CACNB4: variants seen among roughly 807,000 people sequenced by gnomAD.
CACNB4 encodes voltage-dependent L-type calcium channel subunit beta-4.
A neutral mutation model predicts 71.2 loss-of-function variants in CACNB4; 32 were observed. The observed-to-expected ratio is 0.45, with a 90% confidence interval of 0.34 to 0.60. The LOEUF is 0.60. Among genes scored for constraint, CACNB4 ranks in the 20% least tolerant of loss-of-function variants. The pLI, the probability that CACNB4 is intolerant of heterozygous loss-of-function variation, is 0.01. For missense variants in CACNB4, 464 were observed against 647.9 expected, an observed-to-expected ratio of 0.72 and a Z score of 3.08; for synonymous variants, 231 against 236.9, an observed-to-expected ratio of 0.97 and a Z score of 0.23.
At chr2:151,945,507 C>CTT in intron 2 of CACNB4, among the ~76,000 whole-genome samples, 1 of 152,080 alleles carries the variant, frequency 6.6e-6, no homozygotes, top group African/African-American at 2.4e-5. Flanking sequence ...TAAAGATTAG[C>CTT]TGGGTGTGGT....
chr2:151,944,754 A>T (rs12613143), intron 2 of CACNB4, among the ~76,000 whole-genome samples: 15,094 of 152,214 alleles, frequency 0.099, 1,619 homozygotes, highest in East Asian at 0.54. Flanking sequence ...ATCCTGCCAC[A>T]GCACTCCAGG....
rs1288254361 is a variant in CACNB4 at position 151,832,888 on chromosome 2, G to A, written c.*6231C>T. 6.6e-6 allele frequency: 1 copy of A among 151,930 alleles called. No individual in the cohort carries two copies. Among genetic ancestry groups the A allele is most frequent in the African/African-American group, 2.4e-5 (1 of 41,388 alleles). 9.4% of individuals were successfully genotyped at this position (151,930 alleles called of 1,614,324 possible). ...TGAGGATACTCTATGCATGCACTCT[G>A]CATTTTCTTTGTTAATGTTTTTATT... is the stretch of plus-strand genomic sequence containing the variant. On this transcript the variant is annotated 3_prime_UTR_variant, in exon 14 of 14. Transcript: ENST00000539935.
At chr2:151,988,729 C>A (rs1681518774) in intron 2 of CACNB4, among the ~76,000 whole-genome samples, 1 of 152,128 alleles carries the variant, frequency 6.6e-6, no homozygotes, top group Non-Finnish European at 1.5e-5. Context: ...TCCTCTTCTT[C>A]TATAAGGACA....
chr2:151,905,002 A>T (rs570293531), intron 2 of CACNB4, among the ~76,000 whole-genome samples: 1 of 152,192 alleles, frequency 6.6e-6, no homozygotes, highest in East Asian at 1.9e-4. Flanking sequence ...AAGAACTAGA[A>T]TGCTATCATT....
intron 2 of CACNB4, among the ~76,000 whole-genome samples, chr2:152,066,136 C>T (rs1303725126): frequency 6.6e-6 from 1 of 152,170 alleles, no homozygotes; most frequent in Non-Finnish European, 1.5e-5. Context: ...GACGTGGCCA[C>T]GTACATGCAG....
intron 2 of CACNB4, chr2:151,971,647 C>T: frequency 1.4e-6 from 1 of 702,632 alleles, no homozygotes; most frequent in Non-Finnish European, 2.6e-6. Flanking sequence ...GCCTAGTCTT[C>T]TCCATTGGCT....
chr2:152,014,284 T>C (rs375872379), intron 2 of CACNB4, among the ~76,000 whole-genome samples: 1 of 152,082 alleles, frequency 6.6e-6, no homozygotes, highest in African/African-American at 2.4e-5. Flanking sequence ...GGGACAGAGA[T>C]TGTAGTGAGC....
rs2099835621 is a variant in CACNB4, at chr2:151,839,508, G to A, written c.1303-129C>T. 4 of 703,344 alleles carry A rather than the reference G, an allele frequency of 5.7e-6. No individual in the cohort carries two copies. In the Admixed American group the frequency reaches 7.3e-5, roughly 13 times the overall value. 43.6% of individuals were successfully genotyped at this position (703,344 alleles called of 1,614,324 possible). A position where few individuals can be genotyped will look rare whatever the true frequency, so the allele number is the denominator to read the frequency against. On this transcript the variant is annotated intron_variant, in intron 13 of 13. Transcript: ENST00000539935. ...ATCTGACTTAATAAGGCATCCTGATGCACCAATGATCTGCTTAGAATATCT... is the reference window on the plus strand; with the variant it reads ...ATCTGACTTAATAAGGCATCCTGATACACCAATGATCTGCTTAGAATATCT...
intron 13 of CACNB4, 161 bp downstream of exon 13, chr2:151,841,742 A>G: frequency 1.6e-6 from 1 of 607,820 alleles, no homozygotes; most frequent in Non-Finnish European, 2.8e-6. Context: ...AGTTTTCTCT[A>G]GGATAGATCA....
At chr2:151,994,414 C>T (rs977065275) in intron 2 of CACNB4, among the ~76,000 whole-genome samples, 5 of 152,044 alleles carry the variant, frequency 3.3e-5, no homozygotes, top group South Asian at 2.1e-4. Context: ...AGCATGTTGC[C>T]GGGCTGGTCT....
intron 6 of CACNB4, 85 bp from the exon 7 acceptor site, chr2:151,870,946 C>T: frequency 2.1e-6 from 2 of 967,334 alleles, no homozygotes; most frequent in South Asian, 1.6e-5. Flanking sequence ...AAGAATGTAC[C>T]CATTTGTCCC....
At chr2:151,976,832 C>A (rs1364669263) in intron 2 of CACNB4, among the ~76,000 whole-genome samples, 1 of 152,194 alleles carries the variant, frequency 6.6e-6, no homozygotes, top group Non-Finnish European at 1.5e-5. Flanking sequence ...GCTTCCCGAG[C>A]CTGTTTCAGA....
chr2:151,902,092 T>C (rs961249321), intron 2 of CACNB4, among the ~76,000 whole-genome samples: 1 of 146,610 alleles, frequency 6.8e-6, no homozygotes, highest in Admixed American at 7.1e-5. Context: ...TGGAGAGCAG[T>C]GGCACGATCA....
At chr2:151,954,966 G>A (rs963950071) in intron 2 of CACNB4, among the ~76,000 whole-genome samples, 4 of 142,860 alleles carry the variant, frequency 2.8e-5, no homozygotes, top group Admixed American at 7.5e-5. Flanking sequence ...CCATTCTCCC[G>A]CCTCAGCCTC....
At chr2:152,079,267 TTTAG>T (rs1670880440) in intron 2 of CACNB4, among the ~76,000 whole-genome samples, 1 of 151,844 alleles carries the variant, frequency 6.6e-6, no homozygotes, top group African/African-American at 2.4e-5. Context: ...TTTTTGTATT[TTTAG>T]TAGAGATGGG....
At chr2:152,042,502 G>GTCAA (rs1167292575) in intron 2 of CACNB4, among the ~76,000 whole-genome samples, 1 of 152,134 alleles carries the variant, frequency 6.6e-6, no homozygotes, top group Non-Finnish European at 1.5e-5. Flanking sequence ...TCAGGTTGAA[G>GTCAA]TCAAAACAGC....
intron 10 of CACNB4, chr2:151,858,138 G>A (rs2099840750): frequency 6.6e-6 from 1 of 152,110 alleles, no homozygotes; most frequent in Non-Finnish European, 1.5e-5. Context: ...ATTCTCAGAG[G>A]GGTTCCAAAT....
intron 2 of CACNB4, among the ~76,000 whole-genome samples, chr2:151,884,508 C>T (rs1460274734): frequency 1.3e-5 from 2 of 149,134 alleles, no homozygotes; most frequent in Non-Finnish European, 3.0e-5. Flanking sequence ...GTGGCGGGCG[C>T]CTGTAGTCCC....
chr2:151,875,915 G>T (rs1223851799), intron 5 of CACNB4, among the ~76,000 whole-genome samples: 2 of 132,218 alleles, frequency 1.5e-5, no homozygotes, highest in Admixed American at 1.5e-4. Flanking sequence ...TCCCAGTAGG[G>T]GCGGCCGGGC....
Sources: gnomAD v4.1 joint callset for allele counts (sites outside exome capture counted in the v4.1 genomes callset) on GRCh38, gnomAD v4.1.1 for gene constraint, MANE v1.5 for transcripts, NCBI Gene and HGNC (gene_info 2026-07-23, HGNC 2026-07-21) for gene names.